Variants in MTA1 observed in about 807,000 individuals in gnomAD.
MTA1 encodes metastasis-associated protein MTA1.
Under a neutral mutation model 97.0 loss-of-function variants are expected in MTA1, and 15 were observed. That is an observed-to-expected ratio of 0.15 (90% CI 0.10 to 0.24). MTA1 has a LOEUF of 0.24. Among genes scored for constraint, MTA1 ranks in the 10% least tolerant of loss-of-function variants. The pLI is 1.00. For synonymous variants in MTA1, 435 were observed against 417.5 expected (o/e 1.04, Z -0.51); for missense variants, 709 against 1,015.1 (o/e 0.70, Z 4.10).
At chr14:105,468,851 G>A (rs1222961986) in intron 18 of MTA1, 2 of 279,506 alleles carry the variant, frequency 7.2e-6, no homozygotes, top group African/African-American at 2.2e-5. Context: ...AGCTGGGGGT[G>A]ACCAGGAGCA....
Position 105,463,482 on chromosome 14 carries a change from T to A in MTA1, c.1018-11T>A. Reference sequence around the variant, plus strand: ...AGCCTGCTGACCTCTGACCTTCTCTTTTGTTTTAAGAAACGCTTGAAAGCA... The same window carrying A: ...AGCCTGCTGACCTCTGACCTTCTCTATTGTTTTAAGAAACGCTTGAAAGCA... On this transcript the variant is annotated splice_polypyrimidine_tract_variant and intron_variant, in intron 11 of 20. Transcript: ENST00000331320. The surrounding 1 kb of genome is among the most constrained non-coding windows in gnomAD (Gnocchi z 5.9). 6.2e-7 allele frequency: 1 copy of A among 1,613,152 alleles called. No homozygotes were observed. Among genetic ancestry groups the A allele is most frequent in the South Asian group, 1.1e-5 (1 of 91,076 alleles).
chr14:105,421,825 G>C (rs587602926), intron 1 of MTA1, among the ~76,000 whole-genome samples: 2 of 152,228 alleles, frequency 1.3e-5, no homozygotes, highest in Non-Finnish European at 2.9e-5. Flanking sequence ...GGAGCCCTTC[G>C]TGGGGCTGCG....
chr14:105,459,484 G>A (rs79984514), intron 8 of MTA1, among the ~76,000 whole-genome samples: 1 of 6,388 alleles, frequency 1.6e-4, no homozygotes, highest in African/African-American at 2.7e-4. Context: ...TGCCTGGGGG[G>A]AGTCCGTGCT....
chr14:105,464,005 C>T, intron 12 of MTA1, 27 bp from the exon 13 acceptor site: 2 of 1,610,402 alleles, frequency 1.2e-6, no homozygotes, highest in South Asian at 1.1e-5. Context: ...CCTGCAACTC[C>T]TCTCGTCTCT....
rs782427514 is a variant in MTA1 at position 105,465,151 on chromosome 14, G to A, written c.1592G>A (p.Arg531His). The A allele has an allele frequency of 2.0e-5, 30 of 1,521,324 alleles. No homozygotes were observed. Among genetic ancestry groups the A allele is most frequent in the South Asian group, 1.1e-4 (9 of 83,178 alleles). The allele number at this position is 1,521,324 out of a possible 1,614,324, so 94.2% of individuals were successfully genotyped here. A position where few individuals can be genotyped will look rare whatever the true frequency, so the allele number is the denominator to read the frequency against. Reference protein sequence around the residue: ...QSPLVLKQAVRKPLEAVLRYL... With the variant: ...QSPLVLKQAVHKPLEAVLRYL... ...CCGCTGGTGCTGAAGCAGGCGGTAC[G>A]CAAGCCGCTGGAAGCCGTGCTTCGG... Residue 531 changes from arginine (R) to histidine (H), a missense_variant, in exon 16 of 21, where the codon CGC becomes CAC. This residue lies in a region of MTA1 where 388 missense variants were observed against 421.6 expected (regional missense o/e 0.92). Transcript: ENST00000331320.
intron 17 of MTA1, 59 bp downstream of exon 17, chr14:105,466,637 C>CCCCGCCCGGGCA (rs2083601035): frequency 6.3e-7 from 1 of 1,578,848 alleles, no homozygotes; most frequent in Non-Finnish European, 8.6e-7. Context: ...TCCGGCCCGT[C>CCCCGCCCGGGCA]CCCGCCCGGG....
At chr14:105,445,031 G>A (rs1555426745) in intron 2 of MTA1, among the ~76,000 whole-genome samples, 1 of 152,232 alleles carries the variant, frequency 6.6e-6, no homozygotes, top group African/African-American at 2.4e-5. Flanking sequence ...GGCCGTGGCT[G>A]CTGTGCAGGT....
chr14:105,444,984 G>T (rs757855535), intron 2 of MTA1, among the ~76,000 whole-genome samples: 52 of 152,202 alleles, frequency 3.4e-4, no homozygotes, highest in Admixed American at 1.2e-3. Flanking sequence ...GGGAGGGCTG[G>T]TCCCATGCGG....
At position 105,422,056 on chromosome 14, in the gene MTA1, C is replaced by G. The variant is rs1286070066; in HGVS notation, c.28+1993C>G. ...CTGGCAGCACAGCCACGCGTGGGAT[C>G]CAGACTGCTTCTGCGTGTGCAGTCC... is the stretch of plus-strand genomic sequence containing the variant. On this transcript the variant is annotated intron_variant, in intron 1 of 20. Transcript: ENST00000331320. This position sits in a 1 kb window ranked among gnomAD's most constrained non-coding sequence, Gnocchi z 4.3. Among the ~76,000 whole-genome samples, 1 of 152,198 alleles carries G rather than the reference C, an allele frequency of 6.6e-6. No homozygotes were observed. Among genetic ancestry groups the G allele is most frequent in the Non-Finnish European group, 1.5e-5 (1 of 68,026 alleles).
At chr14:105,445,348 A>G (rs2082681153) in intron 2 of MTA1, 70 bp from the exon 3 acceptor site, 2 of 1,445,410 alleles carry the variant, frequency 1.4e-6, no homozygotes, top group East Asian at 4.6e-5. Flanking sequence ...CCGGCCTTGG[A>G]GCCCCTCCTG....
chr14:105,462,832 G>A (rs2083410497), intron 10 of MTA1, among the ~76,000 whole-genome samples: 1 of 152,168 alleles, frequency 6.6e-6, no homozygotes, highest in South Asian at 2.1e-4. Flanking sequence ...TTGTACTACT[G>A]CACTCCAGCC....
chr14:105,448,379 G>C (rs587613110), intron 3 of MTA1, among the ~76,000 whole-genome samples: 1 of 152,288 alleles, frequency 6.6e-6, no homozygotes, highest in Non-Finnish European at 1.5e-5. Context: ...TCTGCTGACC[G>C]GGACGCTGGT....
In MTA1 at chr14:105,419,836, T is replaced by C. The variant is rs1355938762; in HGVS notation, c.-200T>C. 2.0e-5 allele frequency: 3 copies of C among 147,872 alleles called. No homozygotes were observed. Among genetic ancestry groups the C allele is most frequent in the African/African-American group, 5.1e-5 (2 of 39,436 alleles). 9.2% of individuals were successfully genotyped at this position (147,872 alleles called of 1,614,324 possible). ...CCCGCGGCCGCTCCTCCTCTTCCTCTCCCGCCCGCGCCGCGGCCCTCCCGT... is the reference window on the plus strand; with the variant it reads ...CCCGCGGCCGCTCCTCCTCTTCCTCCCCCGCCCGCGCCGCGGCCCTCCCGT... On this transcript the variant is annotated 5_prime_UTR_variant, in exon 1 of 21. Transcript: ENST00000331320.
chr14:105,466,598 G>A lies in MTA1; in HGVS notation c.1777+20G>A, dbSNP rs782196923. The A allele has an allele frequency of 2.1e-5, 33 of 1,566,090 alleles. No individual in the cohort carries two copies. Among genetic ancestry groups the A allele is most frequent in the South Asian group, 4.7e-5 (4 of 85,522 alleles). On this transcript the variant is annotated intron_variant, in intron 17 of 20. Transcript: ENST00000331320. ...TGGACGGTGAGTGGCCCCCCCGCCCGGTGAGTGTGGCCCTCCCCGCCCGGT... is the reference window on the plus strand; with the variant it reads ...TGGACGGTGAGTGGCCCCCCCGCCCAGTGAGTGTGGCCCTCCCCGCCCGGT...
Position 105,441,089 on chromosome 14 carries a change from C to T in MTA1, c.96+2350C>T, listed in dbSNP as rs186116328. On this transcript the variant is annotated intron_variant, in intron 2 of 20. Coordinates refer to ENST00000331320, the MANE Select transcript of MTA1 (RefSeq NM_004689.4). The stretch of plus-strand genomic sequence containing the variant: ...GAACAGGAACCATGGTGACATGTGG[C>T]TGGCAGCGCGGAAGGCCTGTCTGGG... Among the ~76,000 whole-genome samples, 4 of 152,060 alleles carry T rather than the reference C, an allele frequency of 2.6e-5. No individual in the cohort carries two copies. The East Asian group carries it at 7.7e-4, about 29-fold the overall frequency.
chr14:105,445,335 G>C, intron 2 of MTA1, 83 bp from the exon 3 acceptor site: 2 of 1,287,510 alleles, frequency 1.6e-6, no homozygotes, highest in South Asian at 1.3e-5. Context: ...TGGACGGCAG[G>C]GTCCGGCCTT....
chr14:105,468,964 C>CA (rs1454631491), intron 18 of MTA1: 3 of 328,880 alleles, frequency 9.1e-6, no homozygotes, highest in Admixed American at 4.2e-5. Flanking sequence ...AAGCACATGC[C>CA]AGGGTGGCTG....
chr14:105,465,247 C>A, intron 16 of MTA1, 64 bp downstream of exon 16: 2 of 1,398,864 alleles, frequency 1.4e-6, no homozygotes, highest in Non-Finnish European at 1.9e-6. Flanking sequence ...CACCCAAGCT[C>A]ATGCACTGGT....
intron 1 of MTA1, among the ~76,000 whole-genome samples, chr14:105,423,409 G>A (rs2081912284): frequency 6.6e-6 from 1 of 151,946 alleles, no homozygotes; most frequent in Non-Finnish European, 1.5e-5. Context: ...TAGAGACGGC[G>A]TTTCTCCATG....
Sources: allele counts gnomAD v4.1 joint callset (sites outside exome capture counted in the v4.1 genomes callset), GRCh38; gene constraint gnomAD v4.1.1; regional missense constraint gnomAD v4.1.1; non-coding constraint Gnocchi (gnomAD v3.1); transcripts MANE v1.5; gene names NCBI Gene and HGNC (gene_info 2026-07-23, HGNC 2026-07-21).